The following RAP1GAP2 variants were observed in gnomAD, a reference collection of about 807,000 sequenced individuals.
RAP1GAP2 encodes the protein rap1 GTPase-activating protein 2.
A neutral mutation model predicts 95.0 loss-of-function variants in RAP1GAP2; 27 were observed. That is an observed-to-expected ratio of 0.28 (90% CI 0.21 to 0.39). The LOEUF (loss-of-function observed/expected upper bound fraction) is 0.39. Among genes scored for constraint, RAP1GAP2 ranks in the 10% least tolerant of loss-of-function variants. The pLI is 1.00. For missense variants in RAP1GAP2, 771 were observed against 970.0 expected (o/e 0.79, Z 2.72); for synonymous variants, 373 against 380.9 (o/e 0.98, Z 0.24).
At position 2,902,175 on chromosome 17, in the gene RAP1GAP2, C is replaced by T. The variant is rs371941157; in HGVS notation, c.81-3109C>T. ...TCACTCCTGTGTCTGCCTGAGAACACGGGGCATTCTCACTGTGTGTTTCTT... is the reference window on the plus strand; with the variant it reads ...TCACTCCTGTGTCTGCCTGAGAACATGGGGCATTCTCACTGTGTGTTTCTT... On this transcript the variant is annotated intron_variant, in intron 2 of 24. Transcript: ENST00000254695. This position sits in a 1 kb window ranked among gnomAD's most constrained non-coding sequence, Gnocchi z 4.1. Among the ~76,000 whole-genome samples the T allele has an allele frequency of 6.6e-5, 10 of 152,106 alleles. No homozygotes were observed. Among genetic ancestry groups the T allele is most frequent in the East Asian group, 3.9e-4 (2 of 5,190 alleles).
At chr17:2,803,862 G>A (rs1051566824) in intron 2 of RAP1GAP2, among the ~76,000 whole-genome samples, 1 of 152,172 alleles carries the variant, frequency 6.6e-6, no homozygotes, top group East Asian at 1.9e-4. Flanking sequence ...CTGGGTGACA[G>A]AGTGAGACTA....
At chr17:2,791,874 T>TA (rs1193035277), upstream of RAP1GAP2, among the ~76,000 whole-genome samples, 1 of 150,254 alleles carries the variant, frequency 6.7e-6, no homozygotes, top group African/African-American at 2.4e-5. Context: ...TTTTTTTTTT[T>TA]TTTGAGATGG....
At chr17:2,972,614 A>G (rs2044913278) in intron 8 of RAP1GAP2, among the ~76,000 whole-genome samples, 2 of 151,828 alleles carry the variant, frequency 1.3e-5, no homozygotes, top group African/African-American at 4.8e-5. Flanking sequence ...AAAAAAAAAA[A>G]AAAAAGGATC....
chr17:2,971,170 C>T (rs768771988), intron 8 of RAP1GAP2, among the ~76,000 whole-genome samples: 25 of 152,024 alleles, frequency 1.6e-4, no homozygotes, highest in Non-Finnish European at 3.5e-4. Context: ...TTTCAGAGAG[C>T]AAGCTCTCTG....
At chr17:2,838,680 C>T (rs533396219) in intron 2 of RAP1GAP2, among the ~76,000 whole-genome samples, 17 of 152,196 alleles carry the variant, frequency 1.1e-4, no homozygotes, top group Admixed American at 4.6e-4. Context: ...GCAGTGATTC[C>T]GAAATTGTAA....
intron 11 of RAP1GAP2, among the ~76,000 whole-genome samples, chr17:2,986,586 A>C (rs898004893): frequency 6.6e-6 from 1 of 151,868 alleles, no homozygotes; most frequent in African/African-American, 2.4e-5. Context: ...TTGTTTTGCA[A>C]ACCTGCAGCT....
intron 1 of RAP1GAP2, among the ~76,000 whole-genome samples, chr17:2,762,739 C>A (rs1597264368): frequency 6.6e-6 from 1 of 151,754 alleles, no homozygotes; most frequent in African/African-American, 2.4e-5. Context: ...TGTGGGGACA[C>A]AAAAATTCGG....
chr17:2,876,886 C>CTTTTTTTTT (rs34517318), intron 2 of RAP1GAP2, among the ~76,000 whole-genome samples: 1 of 127,512 alleles, frequency 7.8e-6, no homozygotes, highest in African/African-American at 3.0e-5. Flanking sequence ...GGTTTACGTT[C>CTTTTTTTTT]TTTTTTTTTT....
intron 18 of RAP1GAP2, among the ~76,000 whole-genome samples, chr17:3,020,250 A>G (rs1471670831): frequency 6.6e-6 from 1 of 152,236 alleles, no homozygotes; most frequent in Non-Finnish European, 1.5e-5. Flanking sequence ...TTGGTGGATC[A>G]TGACCTGGGA....
At chr17:2,863,767 G>A (rs575749430) in intron 2 of RAP1GAP2, among the ~76,000 whole-genome samples, 9 of 152,204 alleles carry the variant, frequency 5.9e-5, no homozygotes, top group African/African-American at 2.2e-4. Context: ...TAGTAAGAGT[G>A]GAGGTAGGGC....
intron 13 of RAP1GAP2, among the ~76,000 whole-genome samples, chr17:2,997,899 G>C (rs148058621): frequency 0.043 from 6,412 of 148,570 alleles, 247 homozygotes; most frequent in East Asian, 0.17. Flanking sequence ...CTCCAGCCTG[G>C]GCAACACAGT....
At chr17:2,889,414 G>A (rs1385792776) in intron 2 of RAP1GAP2, among the ~76,000 whole-genome samples, 1 of 152,180 alleles carries the variant, frequency 6.6e-6, no homozygotes, top group African/African-American at 2.4e-5. Context: ...CCCAGCCAGA[G>A]GCCTCTGTTC....
chr17:2,987,073 T>A (rs1260627026), intron 11 of RAP1GAP2, among the ~76,000 whole-genome samples: 2 of 152,196 alleles, frequency 1.3e-5, no homozygotes, highest in African/African-American at 4.8e-5. Context: ...GCCTTGGTGG[T>A]GCAGAAGTAG....
intron 3 of RAP1GAP2, among the ~76,000 whole-genome samples, chr17:2,920,496 T>C (rs553824210): frequency 2.6e-5 from 4 of 152,318 alleles, no homozygotes; most frequent in African/African-American, 9.6e-5. Context: ...CCCCGCTGGA[T>C]GGTGCTGGGT....
At chr17:2,941,532 G>T (rs184346893) in intron 3 of RAP1GAP2, among the ~76,000 whole-genome samples, 2 of 152,196 alleles carry the variant, frequency 1.3e-5, no homozygotes, top group Non-Finnish European at 2.9e-5. Flanking sequence ...GCGCTGTCCA[G>T]TTGAGGCACC....
chr17:2,998,585 C>T (rs752081715), intron 14 of RAP1GAP2, among the ~76,000 whole-genome samples: 1 of 152,212 alleles, frequency 6.6e-6, no homozygotes, highest in Non-Finnish European at 1.5e-5. Flanking sequence ...TGGCATCTCA[C>T]TTGAGGATTG....
intron 2 of RAP1GAP2, among the ~76,000 whole-genome samples, chr17:2,873,018 G>T (rs559697106): frequency 9.2e-5 from 14 of 151,716 alleles, no homozygotes; most frequent in African/African-American, 3.4e-4. Context: ...CATGAGAATC[G>T]CTTGAACCCG....
chr17:2,901,090 T>C (rs2042012543), intron 2 of RAP1GAP2, among the ~76,000 whole-genome samples: 1 of 152,216 alleles, frequency 6.6e-6, no homozygotes, highest in Non-Finnish European at 1.5e-5. Context: ...CCAGGCCCCT[T>C]TGACCATTTC....
At position 3,033,565 on chromosome 17, in the gene RAP1GAP2, T is replaced by C. The variant is rs1025450619; in HGVS notation, c.*204T>C. ...TGCCTCCGCCCTCACCTACATGCCC[T>C]CCCAGCCCCTCCCATCTCTGGACGA... On this transcript the variant is annotated 3_prime_UTR_variant, in exon 25 of 25. Transcript: ENST00000254695. The surrounding 1 kb of genome is among the most constrained non-coding windows in gnomAD (Gnocchi z 4.9). 5 of 153,072 alleles carry C rather than the reference T, an allele frequency of 3.3e-5. No homozygotes were observed. The highest frequency in any genetic ancestry group is 4.4e-5 in the Non-Finnish European group (3 of 68,478). 9.5% of individuals were successfully genotyped at this position (153,072 alleles called of 1,614,324 possible).
Sources: gnomAD v4.1 joint callset for allele counts (sites outside exome capture counted in the v4.1 genomes callset) on GRCh38, gnomAD v4.1.1 for gene constraint, Gnocchi (gnomAD v3.1) non-coding constraint, MANE v1.5 for transcripts, NCBI Gene and HGNC (gene_info 2026-07-23, HGNC 2026-07-21) for gene names.